The following HSPH1 variants were observed in gnomAD, a reference collection of about 807,000 sequenced individuals.
HSPH1 encodes heat shock protein 105 kDa.
Under a neutral mutation model 100.0 loss-of-function variants are expected in HSPH1, and 40 were observed. The ratio of observed to expected loss-of-function variants is 0.40; its 90% CI spans 0.31 to 0.52. The LOEUF is 0.52. Among genes scored for constraint, HSPH1 ranks in the 20% least tolerant of loss-of-function variants. HSPH1 has a pLI of 0.54. For missense variants in HSPH1, 876 were observed against 1,015.1 expected, an observed-to-expected ratio of 0.86 and a Z score of 1.86; for synonymous variants, 403 against 344.0, an observed-to-expected ratio of 1.17 and a Z score of -1.90.
At chr13:31,141,972 G>A (rs866481735) in intron 12 of HSPH1, among the ~76,000 whole-genome samples, 1 of 152,110 alleles carries the variant, frequency 6.6e-6, no homozygotes, top group Admixed American at 6.6e-5. Context: ...GTAAATACAG[G>A]GCTAAAGAAG....
In HSPH1 at chr13:31,145,695, G is replaced by A; in HGVS notation, c.1452C>T (p.Val484=). The change falls in exon 11 of 18, where the codon GTC becomes GTT. Residue 484 remains valine (V), a synonymous_variant. Coordinates refer to ENST00000320027, the MANE Select transcript of HSPH1 (RefSeq NM_006644.4). ...EKSRVKVKVR[V]NTHGIFTIST... ...AGATGGTGAAAATGCCATGGGTGTT[G>A]ACTCGCACTTTGACTTTTACTCTAG... The A allele has an allele frequency of 6.2e-7, 1 of 1,613,626 alleles. No homozygotes were observed. The highest frequency in any genetic ancestry group is 8.5e-7 in the Non-Finnish European group (1 of 1,179,734).
At chr13:31,151,493 T>C (rs930084237) in intron 6 of HSPH1, 116 bp downstream of exon 6, 2 of 960,464 alleles carry the variant, frequency 2.1e-6, no homozygotes, top group East Asian at 2.6e-5. Context: ...TTAACATCTT[T>C]ACCTAAAATA....
chr13:31,145,758 T>C lies in HSPH1; in HGVS notation c.1389A>G (p.Val463=). The change falls in exon 11 of 18, where the codon GTA becomes GTG. Residue 463 remains valine (V), a synonymous_variant. Coordinates refer to ENST00000320027, the MANE Select transcript of HSPH1 (RefSeq NM_006644.4). ...PYPEAKIGRF[V]VQNVSAQKDG... ...CTTTCTGTGCAGAAACATTCTGAAC[T>C]ACAAAGCGGCCTAGAACAACAACAA... 1 of 1,613,196 alleles carries C rather than the reference T, an allele frequency of 6.2e-7. No homozygotes were observed. The highest frequency in any genetic ancestry group is 8.5e-7 in the Non-Finnish European group (1 of 1,179,398).
intron 4 of HSPH1, chr13:31,154,287 C>A (rs183763568): frequency 6.2e-6 from 2 of 322,510 alleles, no homozygotes; most frequent in Non-Finnish European, 1.2e-5. Flanking sequence ...GGTTTCTCAA[C>A]GGAGGGTAGA....
At chr13:31,161,371 CGCCTCCGTTT>C (rs1956902949) in intron 1 of HSPH1, 95 bp downstream of exon 1, 3 of 1,511,428 alleles carry the variant, frequency 2.0e-6, no homozygotes, top group Non-Finnish European at 2.7e-6. Context: ...GCTGCCCAAA[CGCCTCCGTTT>C]GCCGCGGTGA....
chr13:31,160,949 G>A (rs1265120391), intron 1 of HSPH1, among the ~76,000 whole-genome samples: 2 of 152,226 alleles, frequency 1.3e-5, no homozygotes, highest in East Asian at 3.9e-4. Context: ...AGCGACACAA[G>A]CTCTGGAAGC....
chr13:31,139,194 C>T, intron 14 of HSPH1, 87 bp from the exon 15 acceptor site: 1 of 814,388 alleles, frequency 1.2e-6, no homozygotes, highest in Non-Finnish European at 2.1e-6. Flanking sequence ...CACTAGGTAG[C>T]TAATCTTATC....
At chr13:31,158,675 C>A in intron 2 of HSPH1, 131 bp downstream of exon 2, 1 of 522,594 alleles carries the variant, frequency 1.9e-6, no homozygotes, top group Non-Finnish European at 3.6e-6. Flanking sequence ...ATAAAGAATA[C>A]TTGAATTACA....
intron 11 of HSPH1, among the ~76,000 whole-genome samples, 157 bp from the exon 12 acceptor site, chr13:31,144,080 G>GA (rs1228478837): frequency 6.6e-6 from 1 of 152,150 alleles, no homozygotes; most frequent in African/African-American, 2.4e-5. Context: ...CAAAGTACTT[G>GA]AAAACTTCTG....
Position 31,161,804 on chromosome 13 carries a change from A to G in HSPH1, c.-222T>C. 6.7e-7 allele frequency: 1 copy of G among 1,486,572 alleles called. No homozygotes were observed. Among genetic ancestry groups the G allele is most frequent in the Non-Finnish European group, 8.9e-7 (1 of 1,119,854 alleles). The allele number at this position is 1,486,572 out of a possible 1,614,324, so 92.1% of individuals were successfully genotyped here. On this transcript the variant is annotated 5_prime_UTR_variant, in exon 1 of 18. Transcript: ENST00000320027. ...CGGCTGGCTGATAAGAAACCCTGGG[A>G]GAAAGCGGGGCTCAGCCTCCGCAGG...
chr13:31,147,272 C>T (rs996904526), intron 10 of HSPH1, among the ~76,000 whole-genome samples: 1 of 152,168 alleles, frequency 6.6e-6, no homozygotes, highest in African/African-American at 2.4e-5. Context: ...CAATACACCA[C>T]AACTCTGGGT....
intron 10 of HSPH1, among the ~76,000 whole-genome samples, chr13:31,147,017 C>A (rs1484283637): frequency 6.6e-6 from 1 of 151,998 alleles, no homozygotes; most frequent in Non-Finnish European, 1.5e-5. Context: ...GAAATATTTG[C>A]CAAAAGATCC....
intron 9 of HSPH1, 83 bp from the exon 10 acceptor site, chr13:31,148,175 C>T: frequency 7.2e-7 from 1 of 1,381,352 alleles, no homozygotes; most frequent in Non-Finnish European, 1.0e-6. Flanking sequence ...AAGAGGCTTT[C>T]TAAAATCTTT....
At position 31,161,770 on chromosome 13, in the gene HSPH1, G is replaced by T; in HGVS notation, c.-188C>A. The T allele has an allele frequency of 6.6e-7, 1 of 1,507,036 alleles. No individual in the cohort carries two copies. The highest frequency in any genetic ancestry group is 8.9e-7 in the Non-Finnish European group (1 of 1,129,362). 93.4% of individuals were successfully genotyped at this position (1,507,036 alleles called of 1,614,324 possible). A position where few individuals can be genotyped will look rare whatever the true frequency, so the allele number is the denominator to read the frequency against. Reference sequence around the variant, plus strand: ...TGTCAGGAGCCTCCTACTCCCCCGGGGACAGCGGCGGCTGGCTGATAAGAA... The same window carrying T: ...TGTCAGGAGCCTCCTACTCCCCCGGTGACAGCGGCGGCTGGCTGATAAGAA... On this transcript the variant is annotated 5_prime_UTR_variant, in exon 1 of 18. Coordinates refer to ENST00000320027, the MANE Select transcript of HSPH1 (RefSeq NM_006644.4).
chr13:31,145,876 T>C (rs577108102), intron 10 of HSPH1, 108 bp from the exon 11 acceptor site: 12 of 970,122 alleles, frequency 1.2e-5, no homozygotes, highest in South Asian at 1.1e-4. Flanking sequence ...TCCCAGCACT[T>C]TGGGAGGCCG....
At position 31,137,497 on chromosome 13, in the gene HSPH1, C is replaced by T. The variant is rs780631469; in HGVS notation, c.2398G>A (p.Val800Ile). 1.2e-6 allele frequency: 2 copies of T among 1,613,452 alleles called. No homozygotes were observed. The highest frequency in any genetic ancestry group is 1.7e-5 in the Admixed American group (1 of 59,968). ...KELNNTCEPV[V>I]TQPKPKIESP... The stretch of plus-strand genomic sequence containing the variant: ...TCAATTTTTGGTTTCGGTTGTGTTA[C>T]AACGGGTTCACATGTGTTGTTCAAT... The change falls in exon 18 of 18, where the codon GTA (valine) becomes ATA (isoleucine). Residue 800 changes from valine to isoleucine, a missense_variant. Val to Ile is a conservative substitution (Grantham distance 29, BLOSUM62 3). Transcript: ENST00000320027.
chr13:31,145,881 A>T, intron 10 of HSPH1, 113 bp from the exon 11 acceptor site: 1 of 907,398 alleles, frequency 1.1e-6, no homozygotes, highest in Non-Finnish European at 1.7e-6. Flanking sequence ...GCACTTTGGG[A>T]GGCCGTGGTG....
Position 31,151,069 on chromosome 13 carries a change from T to A in HSPH1, c.786A>T (p.Ala262=). The A allele has an allele frequency of 6.2e-7, 1 of 1,613,810 alleles. No homozygotes were observed. Among genetic ancestry groups the A allele is most frequent in the Non-Finnish European group, 8.5e-7 (1 of 1,179,828 alleles). The change falls in exon 7 of 18, where the codon GCA becomes GCT. Residue 262 remains alanine (A), a synonymous_variant. Transcript: ENST00000320027. ...CACATTCCTGATACAGACGTAGGAG[T>A]GCTCGTATTTTGGATTTTGCATCCA... ...YKLDAKSKIR[A]LLRLYQECEK... is the part of the protein sequence containing the mutation.
intron 13 of HSPH1, chr13:31,140,553 TAA>T (rs35691238): frequency 2.8e-3 from 438 of 158,482 alleles, no homozygotes; most frequent in East Asian, 6.7e-3. Context: ...TATTTAATGC[TAA>T]AAAAAAAAAA....
Sources: allele counts gnomAD v4.1 joint callset (sites outside exome capture counted in the v4.1 genomes callset), GRCh38; gene constraint gnomAD v4.1.1; transcripts MANE v1.5; gene names NCBI Gene and HGNC (gene_info 2026-07-23, HGNC 2026-07-21).